Variants in ENTREP1 observed in about 807,000 individuals in gnomAD.
The protein encoded by ENTREP1 is endosomal transmembrane epsin interactor 1.
At chr9:69,347,420 A>G in the ENTREP1 span, among the ~76,000 whole-genome samples, 3 of 152,268 alleles carry the variant, frequency 2.0e-5, no homozygotes, top group Non-Finnish European at 4.4e-5. Flanking sequence ...ACCCCCTTCT[A>G]TCAAACCCAA....
At chr9:69,372,640 C>T in the ENTREP1 span, among the ~76,000 whole-genome samples, 38 of 152,242 alleles carry the variant, frequency 2.5e-4, no homozygotes, top group Middle Eastern at 3.4e-3. Context: ...AACATTGCAA[C>T]GAACATGGGC....
chr9:69,344,650 C>G, the ENTREP1 span, among the ~76,000 whole-genome samples: 2 of 152,144 alleles, frequency 1.3e-5, no homozygotes, highest in East Asian at 3.9e-4. Context: ...TAGCAGCCAG[C>G]CTGTGAGCCC....
At chr9:69,375,524 G>A in the ENTREP1 span, among the ~76,000 whole-genome samples, 2 of 152,090 alleles carry the variant, frequency 1.3e-5, no homozygotes, top group Non-Finnish European at 2.9e-5. Context: ...GAGAAAGGAG[G>A]AATATTAAAA....
At chr9:69,329,477 T>C in the ENTREP1 span, 2 of 982,180 alleles carry the variant, frequency 2.0e-6, no homozygotes, top group Non-Finnish European at 2.4e-6. Flanking sequence ...TAAAAAACAC[T>C]TAAGAATTAA....
At chr9:69,360,857 G>T in the ENTREP1 span, among the ~76,000 whole-genome samples, 1 of 151,518 alleles carries the variant, frequency 6.6e-6, no homozygotes, top group Admixed American at 6.6e-5. Context: ...TGAGAAAAGG[G>T]TATATTAAAA....
the ENTREP1 span, among the ~76,000 whole-genome samples, chr9:69,368,836 C>CT: frequency 2.3e-4 from 35 of 151,628 alleles, no homozygotes; most frequent in African/African-American, 6.5e-4. Context: ...AAACAATTTT[C>CT]TTTTTTTTTA....
chr9:69,388,473 G>T, the ENTREP1 span: 3 of 1,541,232 alleles, frequency 1.9e-6, no homozygotes, highest in Non-Finnish European at 2.6e-6. Flanking sequence ...TTAATCTCAG[G>T]CATGAATCAG....
chr9:69,342,576 GGT>G, the ENTREP1 span, among the ~76,000 whole-genome samples: 1 of 152,228 alleles, frequency 6.6e-6, no homozygotes, highest in African/African-American at 2.4e-5. Flanking sequence ...GGTAACACAA[GGT>G]GTAGTTTTGA....
chr9:69,360,656 T>C, the ENTREP1 span, among the ~76,000 whole-genome samples: 3 of 152,164 alleles, frequency 2.0e-5, no homozygotes, highest in African/African-American at 7.2e-5. Context: ...CCTGGAGCCT[T>C]TTGACTTGCT....
the ENTREP1 span, among the ~76,000 whole-genome samples, chr9:69,334,993 C>T: frequency 1.3e-5 from 2 of 152,076 alleles, no homozygotes; most frequent in African/African-American, 2.4e-5. Flanking sequence ...GTCCTGGGCT[C>T]AGGCAGTCCA....
At chr9:69,357,506 A>G in the ENTREP1 span, among the ~76,000 whole-genome samples, 2 of 152,190 alleles carry the variant, frequency 1.3e-5, no homozygotes, top group African/African-American at 4.8e-5. Context: ...GTTCACAGCA[A>G]CGGGCCTGTG....
At chr9:69,340,962 T>G in the ENTREP1 span, among the ~76,000 whole-genome samples, 1 of 152,212 alleles carries the variant, frequency 6.6e-6, no homozygotes, top group Non-Finnish European at 1.5e-5. Context: ...TGATGGACAA[T>G]GCTAGAAACA....
chr9:69,376,630 A>G, the ENTREP1 span, among the ~76,000 whole-genome samples: 1 of 152,150 alleles, frequency 6.6e-6, no homozygotes, highest in Non-Finnish European at 1.5e-5. Context: ...AGAATCTCCA[A>G]GGAAAGAGAG....
At chr9:69,391,709 C>G in the ENTREP1 span, 1 of 1,614,040 alleles carries the variant, frequency 6.2e-7, no homozygotes, top group Non-Finnish European at 8.5e-7. Context: ...CACCTTCACA[C>G]CAGCGGGGAG....
chr9:69,349,378 C>A, the ENTREP1 span, among the ~76,000 whole-genome samples: 1 of 152,064 alleles, frequency 6.6e-6, no homozygotes, highest in Non-Finnish European at 1.5e-5. Flanking sequence ...GTGGCTATAT[C>A]ATTTTATATT....
the ENTREP1 span, among the ~76,000 whole-genome samples, chr9:69,376,169 T>C: frequency 5.3e-5 from 8 of 152,216 alleles, no homozygotes; most frequent in Non-Finnish European, 2.9e-5. Context: ...TATAAACATA[T>C]GCATACGTAC....
chr9:69,338,818 T>C, the ENTREP1 span, among the ~76,000 whole-genome samples: 1 of 152,232 alleles, frequency 6.6e-6, no homozygotes, highest in Non-Finnish European at 1.5e-5. Context: ...TACCCTATTG[T>C]TGGACATTTG....
chr9:69,329,260 C>T, the ENTREP1 span: 1 of 578,558 alleles, frequency 1.7e-6, no homozygotes, highest in Non-Finnish European at 2.2e-6. Context: ...CACACATCTT[C>T]TTTAGGCTTC....
the ENTREP1 span, among the ~76,000 whole-genome samples, chr9:69,334,838 G>A: frequency 2.0e-5 from 3 of 147,698 alleles, no homozygotes; most frequent in African/African-American, 7.5e-5. Context: ...GTGCAGTGGC[G>A]CGATCTCAGC....
Sources: gnomAD v4.1 joint callset for allele counts (sites outside exome capture counted in the v4.1 genomes callset) on GRCh38, gnomAD v4.1.1 for gene constraint, MANE v1.5 for transcripts, NCBI Gene and HGNC (gene_info 2026-07-23, HGNC 2026-07-21) for gene names.